Variants in EPG5 observed in about 807,000 individuals in gnomAD.
EPG5 encodes the protein ectopic P-granules 5 autophagy tethering factor.
Under a neutral mutation model 302.7 loss-of-function variants are expected in EPG5, and 159 were observed. That is an observed-to-expected ratio of 0.53 (90% confidence interval 0.46 to 0.60). EPG5 has a LOEUF of 0.60. EPG5 is among the 20% of genes least tolerant of loss of function. The pLI is 0.00. For synonymous variants in EPG5, 1,158 were observed against 1,136.8 expected, an observed-to-expected ratio of 1.02 and a Z score of -0.37; for missense variants, 2,896 against 3,092.4, an observed-to-expected ratio of 0.94 and a Z score of 1.51.
Position 45,952,486 on chromosome 18 carries a change from G to C in EPG5, c.1166C>G (p.Ser389Ter), listed in dbSNP as rs1281626933. The change falls in exon 3 of 44, where the codon TCA becomes TGA. Residue 389 changes from serine to a stop codon, truncating the protein, a stop_gained. Transcript: ENST00000282041. LOFTEE classifies it high-confidence loss of function. ...GATGTAAGACTCCACTTGCAATCTT[G>C]AGAGCACAGAAGTATAAGAATGAAG... The part of the protein sequence containing the change: ...LALHSYTSVL[S>*]RLQVESYIYA... 2 of 1,614,182 alleles carry C rather than the reference G, an allele frequency of 1.2e-6. No individual in the cohort carries two copies. Among genetic ancestry groups the C allele is most frequent in the Non-Finnish European group, 1.7e-6 (2 of 1,180,032 alleles).
chr18:45,814,405 G>A, the EPG5 span, among the ~76,000 whole-genome samples: 1 of 152,262 alleles, frequency 6.6e-6, no homozygotes, highest in Middle Eastern at 3.4e-3. Context: ...ATGCAACATG[G>A]GATCAATTTG....
the EPG5 span, chr18:45,838,959 C>A: frequency 1.8e-5 from 29 of 1,604,426 alleles, no homozygotes; most frequent in Non-Finnish European, 2.4e-5. Flanking sequence ...TGGGCCGCTC[C>A]GAGGCCAGCG....
chr18:45,953,957 AC>A, intron 2 of EPG5: 1 of 981,766 alleles, frequency 1.0e-6, no homozygotes, highest in African/African-American at 1.7e-5. Context: ...CAAACTAATG[AC>A]CCATGGGCTG....
At position 45,955,086 on chromosome 18, in the gene EPG5, C is replaced by T; in HGVS notation, c.316G>A (p.Gly106Arg). The change falls in exon 2 of 44, where the codon GGG (glycine) becomes AGG (arginine). Residue 106 changes from glycine (G) to arginine (R), a missense_variant. By Grantham distance (125) the Gly-to-Arg change is moderately radical. Around this residue, in one of 5 missense-constraint regions of EPG5, gnomAD observed 1,390 missense variants for 1,430.0 expected, o/e 0.97. Transcript: ENST00000282041. ...LTCNTEPPKE[G>R]GEARPCVGDS... ...CCCACACAGGGTCTGGCCTCTCCCC[C>T]TTCCTTTGGGGGCTCTGTGTTACAC... is the stretch of plus-strand genomic sequence containing the variant. 1 of 1,613,948 alleles carries T rather than the reference C, an allele frequency of 6.2e-7. No homozygotes were observed. Among genetic ancestry groups the T allele is most frequent in the South Asian group, 1.1e-5 (1 of 91,060 alleles).
At chr18:45,920,835 T>C (rs914738602) in intron 16 of EPG5, among the ~76,000 whole-genome samples, 2 of 152,340 alleles carry the variant, frequency 1.3e-5, no homozygotes, top group Middle Eastern at 3.4e-3. Flanking sequence ...ACAGATGTCT[T>C]GTCTAATTTA....
At chr18:45,836,951 G>A in the EPG5 span, 1 of 809,480 alleles carries the variant, frequency 1.2e-6, no homozygotes, top group Admixed American at 1.7e-5. Context: ...CATGCTGGCA[G>A]TGTGACTTCA....
At chr18:45,933,893 A>C (rs1228523099) in intron 11 of EPG5, among the ~76,000 whole-genome samples, 3 of 152,100 alleles carry the variant, frequency 2.0e-5, no homozygotes, top group Admixed American at 2.0e-4. Flanking sequence ...TATTTCAGTA[A>C]ATTGTCTATC....
At chr18:45,908,566 T>C (rs2145647426) in intron 23 of EPG5, among the ~76,000 whole-genome samples, 1 of 152,208 alleles carries the variant, frequency 6.6e-6, no homozygotes, top group Non-Finnish European at 1.5e-5. Flanking sequence ...TCAAGAACCA[T>C]CTCCCACCTC....
the EPG5 span, among the ~76,000 whole-genome samples, chr18:45,813,972 T>C: frequency 1.3e-5 from 2 of 151,116 alleles, no homozygotes; most frequent in Admixed American, 1.3e-4. Flanking sequence ...TGAAAAAAAA[T>C]CATCAATATA....
intron 31 of EPG5, among the ~76,000 whole-genome samples, chr18:45,880,563 A>C (rs2049074793): frequency 6.6e-6 from 1 of 152,076 alleles, no homozygotes; most frequent in African/African-American, 2.4e-5. Context: ...ACAGCTATCT[A>C]TGAGTGTGAC....
chr18:45,831,166 G>A, the EPG5 span, among the ~76,000 whole-genome samples: 1 of 152,140 alleles, frequency 6.6e-6, no homozygotes, highest in Non-Finnish European at 1.5e-5. Context: ...TTGCGGCAGT[G>A]AACCCCTCCA....
At chr18:45,929,131 T>C in intron 12 of EPG5, 122 bp from the exon 13 acceptor site, 1 of 1,030,626 alleles carries the variant, frequency 9.7e-7, no homozygotes, top group East Asian at 2.6e-5. Context: ...ATTGACACTA[T>C]GTTCCAAAAA....
At chr18:45,819,907 A>G in the EPG5 span, among the ~76,000 whole-genome samples, 1 of 152,106 alleles carries the variant, frequency 6.6e-6, no homozygotes, top group Non-Finnish European at 1.5e-5. Context: ...ACTAGGCATC[A>G]CCCCTTTTTA....
chr18:45,911,098 C>G (rs2145671433), intron 22 of EPG5, among the ~76,000 whole-genome samples: 1 of 145,836 alleles, frequency 6.9e-6, no homozygotes, highest in East Asian at 2.0e-4. Flanking sequence ...CACACACACA[C>G]ACACACACAC....
chr18:45,915,090 C>A (rs2049998625), intron 20 of EPG5, among the ~76,000 whole-genome samples: 1 of 151,940 alleles, frequency 6.6e-6, no homozygotes, highest in Admixed American at 6.6e-5. Flanking sequence ...ACCAGCCTGA[C>A]CAACATGGAG....
At chr18:45,801,862 C>T in the EPG5 span, among the ~76,000 whole-genome samples, 3 of 152,202 alleles carry the variant, frequency 2.0e-5, no homozygotes, top group African/African-American at 7.2e-5. Context: ...CAGGGGACAG[C>T]TTTGGCATCC....
intron 16 of EPG5, among the ~76,000 whole-genome samples, chr18:45,919,066 G>C (rs2050093022): frequency 6.6e-6 from 1 of 151,964 alleles, no homozygotes; most frequent in African/African-American, 2.4e-5. Flanking sequence ...AAGATCAAAG[G>C]AAAAATGATG....
chr18:45,941,467 C>T (rs915960455), intron 9 of EPG5, among the ~76,000 whole-genome samples: 3 of 151,954 alleles, frequency 2.0e-5, no homozygotes, highest in Non-Finnish European at 2.9e-5. Flanking sequence ...AACTAATAGA[C>T]GATCTGAAGG....
At chr18:45,832,225 C>G in the EPG5 span, among the ~76,000 whole-genome samples, 1 of 152,218 alleles carries the variant, frequency 6.6e-6, no homozygotes, top group Non-Finnish European at 1.5e-5. Flanking sequence ...ACTATGTTCG[C>G]CATTTTGCAG....
Sources: gnomAD v4.1 joint callset for allele counts (sites outside exome capture counted in the v4.1 genomes callset) on GRCh38, gnomAD v4.1.1 for gene constraint, gnomAD v4.1.1 regional missense constraint, MANE v1.5 for transcripts, NCBI Gene and HGNC (gene_info 2026-07-23, HGNC 2026-07-21) for gene names.